Variants in DPP6 observed in about 807,000 individuals in gnomAD.
DPP6 encodes dipeptidyl peptidase like 6.
In DPP6, 69 loss-of-function variants were observed where a neutral mutation model predicts 122.6. That is an observed-to-expected ratio of 0.56 (90% CI 0.46 to 0.69). The LOEUF (loss-of-function observed/expected upper bound fraction) is 0.69, where lower values mean the gene tolerates loss of function less well. DPP6 is among the 30% of genes least tolerant of loss of function. DPP6 has a pLI of 0.00. For synonymous variants in DPP6, 418 were observed against 433.1 expected (o/e 0.97, Z 0.43); for missense variants, 928 against 1,116.9 (o/e 0.83, Z 2.41).
intron 20 of DPP6, among the ~76,000 whole-genome samples, chr7:154,878,313 C>A (rs1019502227): frequency 1.3e-5 from 2 of 152,336 alleles, no homozygotes; most frequent in Admixed American, 6.5e-5. Context: ...ATGGGCCCAA[C>A]CATCTGTTCC....
intron 9 of DPP6, among the ~76,000 whole-genome samples, chr7:154,772,111 C>T (rs574900599): frequency 1.3e-5 from 2 of 152,234 alleles, no homozygotes; most frequent in East Asian, 3.9e-4. Flanking sequence ...ATTATGAAAT[C>T]CCAGATTACT....
At chr7:153,933,304 G>A (rs1462110653) in intron 1 of DPP6, among the ~76,000 whole-genome samples, 1 of 152,006 alleles carries the variant, frequency 6.6e-6, no homozygotes, top group Admixed American at 6.5e-5. Flanking sequence ...TTTGCCTTAT[G>A]TTCCATACAG....
At chr7:154,078,322 A>G (rs1803716625) in intron 1 of DPP6, among the ~76,000 whole-genome samples, 1 of 149,030 alleles carries the variant, frequency 6.7e-6, no homozygotes, top group African/African-American at 2.5e-5. Context: ...CTCAATTTAT[A>G]TTACGACTTT....
At chr7:154,056,491 T>G (rs550319006) in intron 1 of DPP6, among the ~76,000 whole-genome samples, 19 of 152,282 alleles carry the variant, frequency 1.2e-4, no homozygotes, top group Admixed American at 2.0e-4. Context: ...CTTTTTAGTT[T>G]TTTAAAGGGC....
intron 1 of DPP6, among the ~76,000 whole-genome samples, chr7:154,424,973 T>C (rs1057510698): frequency 3.3e-5 from 5 of 152,342 alleles, no homozygotes; most frequent in Admixed American, 1.3e-4. Flanking sequence ...TTCTCGTTGA[T>C]TGATTTTTTG....
chr7:154,293,316 G>A (rs1040723490), intron 1 of DPP6, among the ~76,000 whole-genome samples: 6 of 151,954 alleles, frequency 3.9e-5, no homozygotes, highest in East Asian at 1.9e-4. Flanking sequence ...CTCCTTTTTC[G>A]TCCTTGCTCC....
intron 5 of DPP6, among the ~76,000 whole-genome samples, chr7:154,570,888 A>G (rs1831065797): frequency 6.6e-6 from 1 of 152,146 alleles, no homozygotes; most frequent in Non-Finnish European, 1.5e-5. Flanking sequence ...TCAGACACCT[A>G]TAGGTTATAA....
intron 1 of DPP6, among the ~76,000 whole-genome samples, chr7:154,005,901 C>T (rs969776583): frequency 4.2e-4 from 64 of 152,126 alleles, no homozygotes; most frequent in African/African-American, 4.8e-5. Flanking sequence ...CGCCATTCCC[C>T]ATGGCCACTC....
intron 1 of DPP6, among the ~76,000 whole-genome samples, chr7:154,303,280 AG>A (rs908718671): frequency 2.0e-5 from 3 of 152,192 alleles, no homozygotes; most frequent in African/African-American, 4.8e-5. Context: ...GAGGTCCTCC[AG>A]GGGTCAACTG....
chr7:154,142,998 T>A (rs867354491), intron 1 of DPP6, among the ~76,000 whole-genome samples: 4 of 138,374 alleles, frequency 2.9e-5, no homozygotes, highest in Middle Eastern at 3.5e-3. Flanking sequence ...CTGCCATGTA[T>A]TCCTTGTTAG....
At chr7:154,160,968 C>T (rs61271798) in intron 1 of DPP6, among the ~76,000 whole-genome samples, 2,090 of 152,160 alleles carry the variant, frequency 0.014, 42 homozygotes, top group African/African-American at 0.047. Flanking sequence ...CCTACAATTC[C>T]CAAATTAAAA....
intron 1 of DPP6, among the ~76,000 whole-genome samples, chr7:154,146,420 A>C (rs1796085738): frequency 6.7e-6 from 1 of 149,244 alleles, no homozygotes; most frequent in African/African-American, 2.4e-5. Flanking sequence ...ATACCTAACA[A>C]AATGTTTTAA....
At chr7:154,518,178 T>A (rs576420516) in intron 3 of DPP6, among the ~76,000 whole-genome samples, 1 of 152,352 alleles carries the variant, frequency 6.6e-6, no homozygotes, top group South Asian at 2.1e-4. Context: ...ATTAGCTGAG[T>A]CTTACTGTGT....
chr7:154,415,828 G>A (rs1448590120), intron 1 of DPP6, among the ~76,000 whole-genome samples: 1 of 150,816 alleles, frequency 6.6e-6, no homozygotes, highest in African/African-American at 2.4e-5. Context: ...CCTCCTTTGA[G>A]GCATCCAAAA....
intron 3 of DPP6, among the ~76,000 whole-genome samples, chr7:154,538,691 C>T (rs1325823193): frequency 1.3e-5 from 2 of 151,842 alleles, no homozygotes; most frequent in African/African-American, 4.9e-5. Context: ...ATATAACTAA[C>T]AAACTTAAGT....
At chr7:154,299,794 GATTAAAT>G (rs1805784465) in intron 1 of DPP6, among the ~76,000 whole-genome samples, 1 of 152,032 alleles carries the variant, frequency 6.6e-6, no homozygotes, top group Non-Finnish European at 1.5e-5. Flanking sequence ...AACACTTGCT[GATTAAAT>G]GATATTCGAA....
At chr7:154,071,091 A>G (rs988859393) in intron 1 of DPP6, among the ~76,000 whole-genome samples, 2 of 152,196 alleles carry the variant, frequency 1.3e-5, no homozygotes, top group African/African-American at 4.8e-5. Flanking sequence ...TTTCACCATG[A>G]AAGACTGAAA....
At chr7:154,583,304 G>A (rs1832206881) in intron 5 of DPP6, among the ~76,000 whole-genome samples, 1 of 152,180 alleles carries the variant, frequency 6.6e-6, no homozygotes, top group African/African-American at 2.4e-5. Flanking sequence ...TGTAATTTTG[G>A]GTGGACACAA....
intron 25 of DPP6, chr7:154,891,218 G>A (rs1206754032): frequency 2.6e-5 from 4 of 152,222 alleles, no homozygotes; most frequent in Non-Finnish European, 5.9e-5. Context: ...GCGACAGAGT[G>A]AGACCCTGTC....
Sources: allele counts gnomAD v4.1 joint callset (sites outside exome capture counted in the v4.1 genomes callset), GRCh38; gene constraint gnomAD v4.1.1; transcripts MANE v1.5; gene names NCBI Gene and HGNC (gene_info 2026-07-23, HGNC 2026-07-21).